The following GRID2 variants were observed in gnomAD, a reference collection of about 807,000 sequenced individuals.
The protein encoded by GRID2 is glutamate ionotropic receptor delta type subunit 2, also known as glutamate receptor ionotropic, delta-2.
Under a neutral mutation model 114.8 loss-of-function variants are expected in GRID2, and 33 were observed. That is an observed-to-expected ratio of 0.29 (90% confidence interval 0.22 to 0.38). The LOEUF (loss-of-function observed/expected upper bound fraction) is 0.38, where lower values mean the gene tolerates loss of function less well. GRID2 is among the 10% of genes least tolerant of loss of function. The pLI, the probability that GRID2 is intolerant of heterozygous loss-of-function variation, is 1.00. For missense variants in GRID2, 1,184 were observed against 1,257.7 expected, an observed-to-expected ratio of 0.94 and a Z score of 0.89; for synonymous variants, 505 against 449.9, an observed-to-expected ratio of 1.12 and a Z score of -1.55.
chr4:92,847,321 C>T (rs978652045), intron 2 of GRID2, among the ~76,000 whole-genome samples: 21 of 152,066 alleles, frequency 1.4e-4, no homozygotes, highest in Non-Finnish European at 2.8e-4. Context: ...GGCATTTTCC[C>T]ATGGCTCAGT....
intron 2 of GRID2, among the ~76,000 whole-genome samples, chr4:92,948,998 G>C (rs572616938): frequency 6.6e-6 from 1 of 151,312 alleles, no homozygotes; most frequent in East Asian, 1.9e-4. Flanking sequence ...GTGTGGGCTC[G>C]TGTGGGTTTG....
At chr4:93,395,911 G>A (rs1765287199) in intron 9 of GRID2, among the ~76,000 whole-genome samples, 1 of 151,882 alleles carries the variant, frequency 6.6e-6, no homozygotes. Flanking sequence ...TAACTACAGT[G>A]TATGTGTTAG....
intron 2 of GRID2, among the ~76,000 whole-genome samples, chr4:93,048,114 A>G (rs1726335017): frequency 6.6e-6 from 1 of 151,908 alleles, no homozygotes; most frequent in Admixed American, 6.6e-5. Context: ...TAGTTGCCCC[A>G]CTCAGGATGA....
chr4:92,877,041 T>A (rs1745684293), intron 2 of GRID2, among the ~76,000 whole-genome samples: 2 of 152,202 alleles, frequency 1.3e-5, no homozygotes, highest in Non-Finnish European at 2.9e-5. Flanking sequence ...TGTTTTAAAA[T>A]ATCTTGGCTG....
chr4:93,704,948 C>T (rs1727859242), intron 14 of GRID2, among the ~76,000 whole-genome samples: 1 of 152,112 alleles, frequency 6.6e-6, no homozygotes, highest in Non-Finnish European at 1.5e-5. Context: ...TACTGTTTTC[C>T]TCTCCTTTGA....
intron 2 of GRID2, among the ~76,000 whole-genome samples, chr4:92,999,095 TC>T (rs1355966265): frequency 3.3e-5 from 5 of 151,898 alleles, no homozygotes; most frequent in Admixed American, 3.3e-4. Context: ...ACTATTTTTT[TC>T]CATAGGAAAT....
intron 2 of GRID2, among the ~76,000 whole-genome samples, chr4:92,965,769 C>G (rs1753118421): frequency 6.6e-6 from 1 of 151,714 alleles, no homozygotes; most frequent in South Asian, 2.1e-4. Context: ...AAAAATATAG[C>G]CAGTATCAAT....
intron 2 of GRID2, among the ~76,000 whole-genome samples, chr4:93,083,695 CAAA>C (rs34205612): frequency 2.7e-3 from 201 of 75,740 alleles, no homozygotes; most frequent in African/African-American, 9.6e-3. Context: ...GACTCCATCT[CAAA>C]AAAAAAAAAA....
At position 93,390,938 on chromosome 4, in the gene GRID2, G is replaced by T. The variant is rs576554263; in HGVS notation, c.1246-4669G>T. Among the ~76,000 whole-genome samples, 17 of 152,146 alleles carry T rather than the reference G, an allele frequency of 1.1e-4. No homozygotes were observed. The South Asian group carries it at 1.5e-3, about 13-fold the overall frequency. ...CAAGTTCTTGTTACATAGTATGAAGGTTCTGTTTTCAGTAGTGAAACAGGG... is the reference window on the plus strand; with the variant it reads ...CAAGTTCTTGTTACATAGTATGAAGTTTCTGTTTTCAGTAGTGAAACAGGG... On this transcript the variant is annotated intron_variant, in intron 8 of 15. Coordinates refer to ENST00000282020, the MANE Select transcript of GRID2 (RefSeq NM_001510.4).
intron 14 of GRID2, among the ~76,000 whole-genome samples, chr4:93,744,216 A>G (rs770591131): frequency 6.6e-6 from 1 of 152,200 alleles, no homozygotes; most frequent in Non-Finnish European, 1.5e-5. Context: ...CGTGCCTGCT[A>G]ACACATTTAT....
intron 1 of GRID2, among the ~76,000 whole-genome samples, chr4:92,446,690 T>G (rs1358088888): frequency 2.6e-5 from 4 of 152,196 alleles, no homozygotes; most frequent in African/African-American, 9.6e-5. Flanking sequence ...CCACTACATT[T>G]TGTATATTTA....
At chr4:93,558,652 A>T (rs1309192337) in intron 13 of GRID2, among the ~76,000 whole-genome samples, 1 of 152,206 alleles carries the variant, frequency 6.6e-6, no homozygotes, top group Non-Finnish European at 1.5e-5. Context: ...ATTCTACCAG[A>T]GGTACAAAGA....
chr4:92,430,923 C>A (rs1304144462), intron 1 of GRID2, among the ~76,000 whole-genome samples: 2 of 152,050 alleles, frequency 1.3e-5, no homozygotes, highest in Admixed American at 6.6e-5. Flanking sequence ...TTGGTATATA[C>A]ATATGCTGCT....
At chr4:93,678,210 G>C (rs1725114076) in intron 14 of GRID2, among the ~76,000 whole-genome samples, 1 of 152,142 alleles carries the variant, frequency 6.6e-6, no homozygotes, top group Admixed American at 6.6e-5. Flanking sequence ...AATGAAGCAA[G>C]AAGGGAAGTT....
rs1560862434 is a variant in GRID2 at position 93,085,117 on chromosome 4, A to G, written c.367A>G (p.Thr123Ala). The G allele has an allele frequency of 1.9e-6, 3 of 1,614,114 alleles. No homozygotes were observed. The highest frequency in any genetic ancestry group is 2.5e-6 in the Non-Finnish European group (3 of 1,180,006). ...CCCCCACCTCTTCATTCAGCGCTCA[A>G]CAGCTGGGACCCCAAGGAGTGGCTG... The part of the protein sequence containing the change: ...HIPHLFIQRS[T>A]AGTPRSGCGL... The change falls in exon 3 of 16, where the codon ACA (threonine) becomes GCA (alanine). Residue 123 changes from threonine to alanine, a missense_variant. Coordinates refer to ENST00000282020, the MANE Select transcript of GRID2 (RefSeq NM_001510.4).
At chr4:93,377,282 A>G (rs1381714905) in intron 8 of GRID2, among the ~76,000 whole-genome samples, 1 of 152,126 alleles carries the variant, frequency 6.6e-6, no homozygotes, top group Non-Finnish European at 1.5e-5. Flanking sequence ...AAAGCTTTAT[A>G]TTGGTATTTT....
intron 2 of GRID2, among the ~76,000 whole-genome samples, chr4:92,980,708 T>A (rs1046363876): frequency 2.0e-5 from 3 of 152,114 alleles, no homozygotes; most frequent in Non-Finnish European, 4.4e-5. Flanking sequence ...TCTTCATATA[T>A]ATTATATCAA....
At chr4:93,110,470 G>A (rs1420184494) in intron 3 of GRID2, among the ~76,000 whole-genome samples, 1 of 152,066 alleles carries the variant, frequency 6.6e-6, no homozygotes, top group Non-Finnish European at 1.5e-5. Context: ...CCATCTCCGT[G>A]CACCCTCACC....
At chr4:93,645,460 T>G (rs149526875) in intron 14 of GRID2, among the ~76,000 whole-genome samples, 368 of 152,266 alleles carry the variant, frequency 2.4e-3, no homozygotes, top group African/African-American at 7.0e-3. Context: ...AAACTCTCCA[T>G]TAAAACAGTA....
Sources: gnomAD v4.1 joint callset for allele counts (sites outside exome capture counted in the v4.1 genomes callset) on GRCh38, gnomAD v4.1.1 for gene constraint, MANE v1.5 for transcripts, NCBI Gene and HGNC (gene_info 2026-07-23, HGNC 2026-07-21) for gene names.